The following ANO3 variants were observed in gnomAD, a reference collection of about 807,000 sequenced individuals.
ANO3 encodes the protein anoctamin-3.
ANO3 carries 99 observed loss-of-function variants against 144.8 expected under a neutral mutation model. That is an observed-to-expected ratio of 0.68 (90% CI 0.58 to 0.81). ANO3 has a LOEUF of 0.81. Ranked by LOEUF, ANO3 falls within the 30% of genes least tolerant of loss-of-function variation. ANO3 has a pLI of 0.00. For synonymous variants in ANO3, 414 were observed against 392.6 expected, an observed-to-expected ratio of 1.05 and a Z score of -0.64; for missense variants, 905 against 1,202.2, an observed-to-expected ratio of 0.75 and a Z score of 3.66.
chr11:26,282,246 A>C (rs1402164313), intron 1 of ANO3, among the ~76,000 whole-genome samples: 1 of 152,082 alleles, frequency 6.6e-6, no homozygotes, highest in African/African-American at 2.4e-5. Flanking sequence ...AAAAGCATAT[A>C]TCTAAAGTCC....
chr11:26,629,540 A>C (rs1852703715), intron 18 of ANO3, among the ~76,000 whole-genome samples: 1 of 152,168 alleles, frequency 6.6e-6, no homozygotes, highest in Non-Finnish European at 1.5e-5. Flanking sequence ...ATATGTATGG[A>C]GGACCTAATA....
intron 1 of ANO3, among the ~76,000 whole-genome samples, chr11:26,436,098 G>A (rs1858285253): frequency 6.6e-6 from 1 of 152,154 alleles, no homozygotes; most frequent in Non-Finnish European, 1.5e-5. Flanking sequence ...TCCCAGGTCA[G>A]GCAGTCCTGT....
chr11:26,321,103 T>C (rs1352855199), intron 1 of ANO3, among the ~76,000 whole-genome samples: 2 of 152,142 alleles, frequency 1.3e-5, no homozygotes, highest in African/African-American at 2.4e-5. Flanking sequence ...TTCTCATTTA[T>C]TACATATTAC....
intron 14 of ANO3, among the ~76,000 whole-genome samples, chr11:26,592,274 A>T (rs1411693294): frequency 1.3e-5 from 2 of 151,622 alleles, no homozygotes; most frequent in Non-Finnish European, 2.9e-5. Context: ...TAGCTTTTTT[A>T]GATGTTGTTT....
At chr11:26,573,362 C>G (rs745510617) in intron 14 of ANO3, among the ~76,000 whole-genome samples, 1 of 152,148 alleles carries the variant, frequency 6.6e-6, no homozygotes, top group Non-Finnish European at 1.5e-5. Flanking sequence ...GCTGTCTCTA[C>G]TGTGGTACGA....
At chr11:26,349,225 C>T (rs1855572435) in intron 1 of ANO3, among the ~76,000 whole-genome samples, 2 of 152,106 alleles carry the variant, frequency 1.3e-5, no homozygotes, top group Admixed American at 6.6e-5. Context: ...TACAGTTTGA[C>T]CTTTAAGGCT....
chr11:26,461,265 A>C (rs1434828688), intron 3 of ANO3, among the ~76,000 whole-genome samples: 1 of 152,068 alleles, frequency 6.6e-6, no homozygotes, highest in Non-Finnish European at 1.5e-5. Flanking sequence ...ATAACTCCAA[A>C]ATTTCAGTTT....
At chr11:26,355,924 C>T (rs1345555912) in intron 1 of ANO3, among the ~76,000 whole-genome samples, 2 of 152,122 alleles carry the variant, frequency 1.3e-5, no homozygotes, top group Non-Finnish European at 2.9e-5. Context: ...ATGTTGACCA[C>T]TTTGTGAGCA....
At chr11:26,583,629 C>T (rs1184536526) in intron 14 of ANO3, among the ~76,000 whole-genome samples, 2 of 152,214 alleles carry the variant, frequency 1.3e-5, no homozygotes, top group African/African-American at 2.4e-5. Context: ...GAATTTTCCC[C>T]AGGCATGGAG....
intron 4 of ANO3, among the ~76,000 whole-genome samples, chr11:26,494,808 G>A (rs17243322): frequency 0.075 from 11,362 of 152,198 alleles, 598 homozygotes; most frequent in Admixed American, 0.13. Flanking sequence ...ACACACGTGA[G>A]CTCCAGGAGA....
chr11:26,379,935 T>C (rs1018525585), intron 1 of ANO3, among the ~76,000 whole-genome samples: 8 of 152,182 alleles, frequency 5.3e-5, no homozygotes, highest in Admixed American at 1.3e-4. Context: ...TTAGATGCAT[T>C]GGAGAGTTCC....
At chr11:26,632,375 G>A (rs889752042) in intron 18 of ANO3, among the ~76,000 whole-genome samples, 3 of 151,050 alleles carry the variant, frequency 2.0e-5, no homozygotes, top group Non-Finnish European at 4.4e-5. Flanking sequence ...ACTTAGCCGG[G>A]CGTGGTGACA....
chr11:26,223,364 A>G (rs1031883482), intron 1 of ANO3, among the ~76,000 whole-genome samples: 5 of 152,122 alleles, frequency 3.3e-5, no homozygotes, highest in African/African-American at 4.8e-5. Context: ...CTGAGACCTC[A>G]TAAACCTGGC....
At chr11:26,273,526 A>T (rs1196776613) in intron 1 of ANO3, among the ~76,000 whole-genome samples, 2 of 152,056 alleles carry the variant, frequency 1.3e-5, no homozygotes, top group African/African-American at 4.8e-5. Flanking sequence ...TCAAGCCTCA[A>T]ACAATAAATT....
At chr11:26,202,229 TTA>T (rs199957915) in intron 1 of ANO3, among the ~76,000 whole-genome samples, 65 of 145,876 alleles carry the variant, frequency 4.5e-4, no homozygotes, top group African/African-American at 1.4e-3. Flanking sequence ...CCTTTTATAT[TTA>T]TATATATAAA....
chr11:26,484,435 G>A lies in ANO3; in HGVS notation c.432+21287G>A, dbSNP rs935772219. ...CAGCAGGTGGAAGCCACAAGTCATG[G>A]CAGCTTCCATGTGGTGTTAAGCCTG... is the stretch of plus-strand genomic sequence containing the variant. On this transcript the variant is annotated intron_variant, in intron 4 of 26. Coordinates refer to ENST00000256737, the MANE Select transcript of ANO3 (RefSeq NM_031418.4). Among the ~76,000 whole-genome samples the A allele has an allele frequency of 3.3e-5, 5 of 152,174 alleles. No individual in the cohort carries two copies. In the South Asian group the frequency reaches 1.0e-3, roughly 32 times the overall value.
chr11:26,500,722 C>A (rs1861159531), intron 4 of ANO3, among the ~76,000 whole-genome samples: 1 of 151,446 alleles, frequency 6.6e-6, no homozygotes. Flanking sequence ...TGTTTGGTTT[C>A]TGAATACTTT....
At chr11:26,581,686 C>A (rs1851135741) in intron 14 of ANO3, among the ~76,000 whole-genome samples, 1 of 24,586 alleles carries the variant, frequency 4.1e-5, no homozygotes, top group Non-Finnish European at 8.8e-5. Context: ...AAGACTCTGT[C>A]TCAAAAAAAA....
At chr11:26,266,993 G>A (rs1194693590) in intron 1 of ANO3, among the ~76,000 whole-genome samples, 1 of 151,454 alleles carries the variant, frequency 6.6e-6, no homozygotes, top group Non-Finnish European at 1.5e-5. Context: ...TCGGGAGGCT[G>A]AGGCAGGAGA....
Sources: gnomAD v4.1 joint callset for allele counts (sites outside exome capture counted in the v4.1 genomes callset) on GRCh38, gnomAD v4.1.1 for gene constraint, MANE v1.5 for transcripts, NCBI Gene and HGNC (gene_info 2026-07-23, HGNC 2026-07-21) for gene names.